FAM13A: variants seen among roughly 807,000 people sequenced by gnomAD.
FAM13A encodes protein FAM13A.
In FAM13A, 76 loss-of-function variants were observed where a neutral mutation model predicts 129.6. That is an observed-to-expected ratio of 0.59 (90% confidence interval 0.49 to 0.71). FAM13A has a LOEUF of 0.71. FAM13A is among the 30% of genes least tolerant of loss of function. FAM13A has a pLI of 0.00. For synonymous variants in FAM13A, 443 were observed against 449.9 expected (o/e 0.98, Z 0.20); for missense variants, 1,108 against 1,249.3 (o/e 0.89, Z 1.70).
intron 19 of FAM13A, among the ~76,000 whole-genome samples, chr4:88,744,161 C>T (rs1485109923): frequency 6.6e-6 from 1 of 152,052 alleles, no homozygotes; most frequent in East Asian, 1.9e-4. Context: ...GGTTTAAAAA[C>T]ATAAGATTAA....
chr4:88,780,270 C>A (rs1334172846), intron 11 of FAM13A, among the ~76,000 whole-genome samples: 3 of 152,080 alleles, frequency 2.0e-5, no homozygotes, highest in South Asian at 2.1e-4. Context: ...CAGAAATTGA[C>A]AATGAGAAAA....
At chr4:88,851,424 C>A (rs964093936) in intron 6 of FAM13A, among the ~76,000 whole-genome samples, 2 of 151,826 alleles carry the variant, frequency 1.3e-5, no homozygotes, top group East Asian at 3.9e-4. Context: ...TATACCCTAC[C>A]GAGAACATTT....
intron 4 of FAM13A, among the ~76,000 whole-genome samples, chr4:88,967,910 G>A (rs1029889152): frequency 2.0e-5 from 3 of 152,160 alleles, no homozygotes. Context: ...AGTGCCTAGT[G>A]CTGCCATGTG....
intron 1 of FAM13A, among the ~76,000 whole-genome samples, chr4:89,033,136 ACTCT>A (rs34237387): frequency 0.059 from 8,897 of 149,932 alleles, 350 homozygotes; most frequent in South Asian, 0.2. Context: ...ACACACACAC[ACTCT>A]CTCTCTCTCT....
chr4:88,850,795 A>C (rs1737432683), intron 7 of FAM13A, among the ~76,000 whole-genome samples: 1 of 152,362 alleles, frequency 6.6e-6, no homozygotes, highest in South Asian at 2.1e-4. Flanking sequence ...TCTGTTGATT[A>C]AATCACTTGT....
chr4:88,953,880 C>T (rs1006215611), intron 4 of FAM13A, among the ~76,000 whole-genome samples: 1 of 152,144 alleles, frequency 6.6e-6, no homozygotes, highest in African/African-American at 2.4e-5. Flanking sequence ...GCTTCCACCT[C>T]TTGACTGTTG....
At chr4:88,935,321 A>T (rs1753674479) in intron 5 of FAM13A, among the ~76,000 whole-genome samples, 1 of 152,208 alleles carries the variant, frequency 6.6e-6, no homozygotes. Flanking sequence ...AAGAAACTTC[A>T]TTCAACACTT....
intron 21 of FAM13A, among the ~76,000 whole-genome samples, chr4:88,737,035 A>G (rs1379025166): frequency 6.6e-6 from 1 of 152,176 alleles, no homozygotes; most frequent in Non-Finnish European, 1.5e-5. Flanking sequence ...TTCCTATGTT[A>G]ATTTTGATTT....
At chr4:88,998,597 A>T (rs1351360068) in intron 3 of FAM13A, among the ~76,000 whole-genome samples, 1 of 152,222 alleles carries the variant, frequency 6.6e-6, no homozygotes, top group Non-Finnish European at 1.5e-5. Context: ...GTAAATTCTC[A>T]GGGCTTGTGG....
In FAM13A at chr4:88,938,165, T is replaced by A. The variant is rs1754141044; in HGVS notation, c.682A>T (p.Asn228Tyr). 2 of 1,613,166 alleles carry A rather than the reference T, an allele frequency of 1.2e-6. No homozygotes were observed. Among genetic ancestry groups the A allele is most frequent in the South Asian group, 2.2e-5 (2 of 91,050 alleles). Residue 228 changes from asparagine to tyrosine, a missense_variant, in exon 5 of 24, where the codon AAT (asparagine) becomes TAT (tyrosine). Asn to Tyr is a moderately radical substitution (Grantham distance 143). Transcript: ENST00000264344. ...KIMAKILENY[N>Y]TLFEVEYTEN... is the part of the protein sequence containing the mutation. ...GTATACTCTACTTCAAACAGGGTAT[T>A]GTAATTTTCTAGAATTTTAGCCATT... is the stretch of plus-strand genomic sequence containing the variant.
chr4:88,904,719 AC>A (rs1223690862), intron 6 of FAM13A, among the ~76,000 whole-genome samples: 5 of 152,154 alleles, frequency 3.3e-5, no homozygotes, highest in African/African-American at 1.2e-4. Context: ...ACCATGGCAC[AC>A]CTTTACCTAT....
At chr4:88,755,040 C>T (rs1053079661) in intron 14 of FAM13A, among the ~76,000 whole-genome samples, 2 of 152,162 alleles carry the variant, frequency 1.3e-5, no homozygotes, top group East Asian at 1.9e-4. Context: ...CTATCATTAA[C>T]GCCCCGTCAA....
Position 88,799,749 on chromosome 4 carries a change from C to T in FAM13A, c.1049+5262G>A, listed in dbSNP as rs143666275. Among the ~76,000 whole-genome samples the T allele has an allele frequency of 5.5e-3, 842 of 152,350 alleles. 4 individuals are homozygous for T. The highest frequency in any genetic ancestry group is 0.019 in the African/African-American group (809 of 41,594). On this transcript the variant is annotated intron_variant, in intron 8 of 23. Transcript: ENST00000264344. ...CCACCCGCCTTGGCCTCCCAAAGTG[C>T]TGGGATTACAGGCGTGAGCCACTGT...
chr4:88,907,793 G>T (rs1040091796), intron 5 of FAM13A, among the ~76,000 whole-genome samples: 1 of 152,126 alleles, frequency 6.6e-6, no homozygotes, highest in Non-Finnish European at 1.5e-5. Context: ...ACCATACTTG[G>T]CATCTAAAAC....
intron 3 of FAM13A, among the ~76,000 whole-genome samples, chr4:88,992,946 T>A (rs1763092885): frequency 6.6e-6 from 1 of 151,942 alleles, no homozygotes; most frequent in Non-Finnish European, 1.5e-5. Context: ...ATGAGGGAAA[T>A]GAGATACAAA....
intron 7 of FAM13A, among the ~76,000 whole-genome samples, chr4:88,819,174 A>G (rs1462069084): frequency 6.6e-6 from 1 of 151,558 alleles, no homozygotes; most frequent in African/African-American, 2.5e-5. Context: ...TATTTGCTAC[A>G]TGAAAAAAAT....
chr4:88,772,130 C>A (rs1578581386), intron 11 of FAM13A, among the ~76,000 whole-genome samples: 1 of 152,254 alleles, frequency 6.6e-6, no homozygotes, highest in Non-Finnish European at 1.5e-5. Flanking sequence ...AAAAATGCCT[C>A]TCTCAATATA....
chr4:88,758,688 T>C (rs768191150), intron 14 of FAM13A, 66 bp downstream of exon 14: 14 of 1,485,184 alleles, frequency 9.4e-6, no homozygotes, highest in Non-Finnish European at 1.2e-5. Context: ...GTTACATGCC[T>C]CTCATTTGTG....
intron 3 of FAM13A, among the ~76,000 whole-genome samples, chr4:89,002,543 A>C (rs567789022): frequency 6.6e-6 from 1 of 152,348 alleles, no homozygotes; most frequent in African/African-American, 2.4e-5. Flanking sequence ...TGAACTCAGT[A>C]GCTGAAGAGA....
Sources: gnomAD v4.1 joint callset for allele counts (sites outside exome capture counted in the v4.1 genomes callset) on GRCh38, gnomAD v4.1.1 for gene constraint, MANE v1.5 for transcripts, NCBI Gene and HGNC (gene_info 2026-07-23, HGNC 2026-07-21) for gene names.